SLC27A3: variants seen among roughly 807,000 people sequenced by gnomAD.
SLC27A3 encodes solute carrier family 27 member 3, also known as long-chain fatty acid transport protein 3.
Under a neutral mutation model 60.1 loss-of-function variants are expected in SLC27A3, and 60 were observed. That is an observed-to-expected ratio of 1.00 (90% CI 0.81 to 1.24). The LOEUF (loss-of-function observed/expected upper bound fraction) is 1.24, where lower values mean the gene tolerates loss of function less well. Ranked by LOEUF, SLC27A3 falls within the 50% of genes most tolerant of loss-of-function variation. The probability of loss-of-function intolerance (pLI) is 0.00; values close to 1 mark genes in which losing one functional copy is unlikely to be tolerated. For synonymous variants in SLC27A3, 455 were observed against 409.0 expected, an observed-to-expected ratio of 1.11 and a Z score of -1.36; for missense variants, 1,079 against 929.9, an observed-to-expected ratio of 1.16 and a Z score of -2.09.
chr1:153,776,852 C>T (rs898535771), intron 2 of SLC27A3, 125 bp downstream of exon 2: 10 of 1,006,840 alleles, frequency 9.9e-6, no homozygotes, highest in Non-Finnish European at 1.5e-5. Flanking sequence ...TCCTTTTTCT[C>T]CCCATCATTT....
At position 153,775,610 on chromosome 1, in the gene SLC27A3, G is replaced by C. The variant is rs1289075234; in HGVS notation, c.113G>C (p.Arg38Pro). 3 of 1,588,986 alleles carry C rather than the reference G, an allele frequency of 1.9e-6. No individual in the cohort carries two copies. The East Asian group carries it at 6.8e-5, about 36-fold the overall frequency. Residue 38 changes from arginine to proline, a missense_variant, in exon 1 of 10, where the codon CGA (arginine) becomes CCA (proline). Physicochemically the swap from Arg to Pro is moderately radical, Grantham distance 103. Transcript: ENST00000624995. ...WLPADLAFAV[R>P]ALCCKRALRA... ...CCGGCGGACTTGGCCTTTGCGGTGCGAGCTCTGTGCTGCAAAAGGGCTCTT... is the reference window on the plus strand; with the variant it reads ...CCGGCGGACTTGGCCTTTGCGGTGCCAGCTCTGTGCTGCAAAAGGGCTCTT...
intron 3 of SLC27A3, 65 bp from the exon 4 acceptor site, chr1:153,777,696 G>A (rs1379052976): frequency 1.9e-6 from 3 of 1,590,750 alleles, no homozygotes; most frequent in Admixed American, 3.4e-5. Context: ...TGGAAAGAGG[G>A]GCTTGGGCTC....
chr1:153,779,403 T>C lies in SLC27A3; in HGVS notation c.1805T>C (p.Leu602Pro), dbSNP rs1042131900. ...LVLRPPHALD[L>P]MQLYTHVSEN... is the part of the protein sequence containing the mutation. ...CTGCGTCCCCCCCACGCTTTGGACC[T>C]TATGCAGCTCTACACCCACGTGTCT... Residue 602 changes from leucine to proline, a missense_variant, in exon 9 of 10, where the codon CTT becomes CCT. Leu to Pro is a moderately conservative substitution (Grantham distance 98). Transcript: ENST00000624995. 1.2e-6 allele frequency: 2 copies of C among 1,612,212 alleles called. No individual in the cohort carries two copies. The highest frequency in any genetic ancestry group is 3.3e-5 in the Admixed American group (2 of 59,754).
Sources: allele counts gnomAD v4.1 joint callset, GRCh38; gene constraint gnomAD v4.1.1; transcripts MANE v1.5; gene names NCBI Gene and HGNC (gene_info 2026-07-23, HGNC 2026-07-21).